ANK3: variants seen among roughly 807,000 people sequenced by gnomAD.
ANK3 encodes the protein ankyrin 3, also known as ankyrin-3.
ANK3 carries 57 observed loss-of-function variants against 370.9 expected under a neutral mutation model. The observed-to-expected ratio is 0.15, with a 90% confidence interval of 0.12 to 0.19. The LOEUF (loss-of-function observed/expected upper bound fraction) is 0.19. Ranked by LOEUF, ANK3 falls within the 10% of genes least tolerant of loss-of-function variation. The probability of loss-of-function intolerance (pLI) is 1.00; values close to 1 mark genes in which losing one functional copy is unlikely to be tolerated. For missense variants in ANK3, 4,439 were observed against 5,302.1 expected (o/e 0.84, Z 5.06); for synonymous variants, 1,929 against 1,946.3 (o/e 0.99, Z 0.23).
At position 60,064,145 on chromosome 10, in the gene ANK3, AT is replaced by A; in HGVS notation, c.12451+11del. ...CAGTTTTGAAAGTTAAAATAATATAATTTCGGCATACTTGTGGCATTTTTTC... is the reference window on the plus strand; with the variant it reads ...CAGTTTTGAAAGTTAAAATAATATAATTCGGCATACTTGTGGCATTTTTTC... On this transcript the variant is annotated intron_variant, in intron 39 of 43. Transcript: ENST00000280772. The A allele has an allele frequency of 1.9e-6, 3 of 1,549,716 alleles. No individual in the cohort carries two copies. The highest frequency in any genetic ancestry group is 2.6e-6 in the Non-Finnish European group (3 of 1,158,346).
chr10:60,434,256 T>C (rs1347676462), intron 2 of ANK3, among the ~76,000 whole-genome samples: 1 of 152,218 alleles, frequency 6.6e-6, no homozygotes, highest in Non-Finnish European at 1.5e-5. Context: ...TGTCAGCTTA[T>C]AATTTTGATT....
chr10:60,278,530 C>G (rs2098120993), intron 4 of ANK3, among the ~76,000 whole-genome samples: 1 of 151,984 alleles, frequency 6.6e-6, no homozygotes, highest in Non-Finnish European at 1.5e-5. Flanking sequence ...ACCATGATGC[C>G]AGGCTAATTT....
chr10:60,496,280 T>C (rs572099613), intron 2 of ANK3, among the ~76,000 whole-genome samples: 6 of 152,198 alleles, frequency 3.9e-5, no homozygotes, highest in Non-Finnish European at 8.8e-5. Flanking sequence ...TATTGGGGCA[T>C]AATAAAAATG....
intron 2 of ANK3, among the ~76,000 whole-genome samples, chr10:60,406,977 C>T (rs182385552): frequency 6.6e-6 from 1 of 152,128 alleles, no homozygotes. Context: ...CATAATAGAT[C>T]TTTTGTTCAG....
chr10:60,278,639 C>A (rs1031689), intron 4 of ANK3, 135 bp downstream of exon 4: 15,906 of 725,844 alleles, frequency 0.022, 221 homozygotes, highest in South Asian at 0.026. Context: ...CCAAAGTGTG[C>A]CAAATATAAC....
At chr10:60,341,661 T>A (rs966091136) in intron 1 of ANK3, among the ~76,000 whole-genome samples, 1 of 152,194 alleles carries the variant, frequency 6.6e-6, no homozygotes, top group Non-Finnish European at 1.5e-5. Flanking sequence ...AGGGTAGAGA[T>A]CGTGCCTGGT....
At chr10:60,175,979 T>C (rs2095926277) in intron 18 of ANK3, among the ~76,000 whole-genome samples, 1 of 152,166 alleles carries the variant, frequency 6.6e-6, no homozygotes, top group Non-Finnish European at 1.5e-5. Flanking sequence ...AAACAGTGCC[T>C]GGCATATCAT....
At chr10:60,098,817 T>C (rs2090641639) in intron 28 of ANK3, among the ~76,000 whole-genome samples, 1 of 152,214 alleles carries the variant, frequency 6.6e-6, no homozygotes. Flanking sequence ...CAGCATTATT[T>C]CACATCTTTA....
At chr10:60,448,301 C>T (rs539748470) in intron 2 of ANK3, among the ~76,000 whole-genome samples, 1 of 152,270 alleles carries the variant, frequency 6.6e-6, no homozygotes, top group Non-Finnish European at 1.5e-5. Flanking sequence ...TATGAAACTA[C>T]ATCACTCTGG....
intron 2 of ANK3, among the ~76,000 whole-genome samples, chr10:60,538,396 A>C (rs1168676729): frequency 6.6e-6 from 1 of 151,900 alleles, no homozygotes; most frequent in African/African-American, 2.4e-5. Context: ...TTCATGCCAC[A>C]TTATCTTTTC....
At chr10:60,376,486 T>A (rs183253476) in intron 1 of ANK3, among the ~76,000 whole-genome samples, 2 of 152,168 alleles carry the variant, frequency 1.3e-5, no homozygotes, top group Non-Finnish European at 2.9e-5. Context: ...GAAAATCCAC[T>A]GAAACATGTT....
At chr10:60,254,233 T>C (rs953918033) in intron 7 of ANK3, among the ~76,000 whole-genome samples, 18 of 89,452 alleles carry the variant, frequency 2.0e-4, no homozygotes, top group African/African-American at 5.6e-4. Context: ...TTTTTTATTG[T>C]TTTTTTTTTC....
intron 28 of ANK3, among the ~76,000 whole-genome samples, chr10:60,099,369 A>T (rs1038783507): frequency 1.3e-5 from 2 of 152,240 alleles, no homozygotes; most frequent in African/African-American, 4.8e-5. Flanking sequence ...GCTGTCAACA[A>T]GTCAGAGTTG....
chr10:60,364,741 GC>G (rs35996229), intron 1 of ANK3, among the ~76,000 whole-genome samples: 35,435 of 151,854 alleles, frequency 0.23, 5,144 homozygotes, highest in Middle Eastern at 0.42. Context: ...TAGCCATAGA[GC>G]CTACTAGTAA....
At chr10:60,104,782 A>G (rs941421356) in intron 28 of ANK3, among the ~76,000 whole-genome samples, 2 of 152,206 alleles carry the variant, frequency 1.3e-5, no homozygotes, top group African/African-American at 4.8e-5. Context: ...TATAATGGTG[A>G]TAATAACTCA....
At chr10:60,532,005 G>A (rs2076616524) in intron 2 of ANK3, among the ~76,000 whole-genome samples, 2 of 152,140 alleles carry the variant, frequency 1.3e-5, no homozygotes, top group Admixed American at 6.6e-5. Context: ...TCTGGAAGGT[G>A]TATTTTAAAC....
chr10:60,515,141 A>G (rs2076187038), intron 2 of ANK3, among the ~76,000 whole-genome samples: 1 of 152,168 alleles, frequency 6.6e-6, no homozygotes, highest in Non-Finnish European at 1.5e-5. Context: ...GTAATGTGTT[A>G]TATTAGACAT....
intron 1 of ANK3, among the ~76,000 whole-genome samples, chr10:60,337,768 TCA>T (rs1316532909): frequency 6.6e-6 from 1 of 152,190 alleles, no homozygotes; most frequent in Non-Finnish European, 1.5e-5. Flanking sequence ...TTCCCTGACT[TCA>T]CAGTTTTATA....
intron 25 of ANK3, among the ~76,000 whole-genome samples, chr10:60,120,699 G>A (rs1332816841): frequency 6.6e-6 from 1 of 152,060 alleles, no homozygotes; most frequent in Non-Finnish European, 1.5e-5. Context: ...CATACAAATG[G>A]CAAACCGGTA....
Sources: allele counts gnomAD v4.1 joint callset (sites outside exome capture counted in the v4.1 genomes callset), GRCh38; gene constraint gnomAD v4.1.1; transcripts MANE v1.5; gene names NCBI Gene and HGNC (gene_info 2026-07-23, HGNC 2026-07-21).